DNAH12: variants seen among roughly 807,000 people sequenced by gnomAD.
DNAH12 encodes the protein axonemal beta dynein heavy chain 12.
Under a neutral mutation model 371.5 loss-of-function variants are expected in DNAH12, and 285 were observed. The observed-to-expected ratio is 0.77, with a 90% CI of 0.70 to 0.85. The LOEUF is 0.85. DNAH12 is among the 40% of genes least tolerant of loss of function. The probability of loss-of-function intolerance (pLI) is 0.00; values close to 1 mark genes in which losing one functional copy is unlikely to be tolerated. For synonymous variants in DNAH12, 1,200 were observed against 1,213.0 expected, an observed-to-expected ratio of 0.99 and a Z score of 0.22; for missense variants, 3,611 against 3,689.4, an observed-to-expected ratio of 0.98 and a Z score of 0.55.
chr3:57,302,565 G>GGT (rs2061380121), intron 69 of DNAH12, among the ~76,000 whole-genome samples: 1 of 28,858 alleles, frequency 3.5e-5, no homozygotes, highest in African/African-American at 1.3e-4. Context: ...ATATATATAT[G>GGT]TATTTTTTTT....
intron 13 of DNAH12, among the ~76,000 whole-genome samples, chr3:57,476,161 G>A (rs993318725): frequency 6.6e-6 from 1 of 152,044 alleles, no homozygotes; most frequent in South Asian, 2.1e-4. Flanking sequence ...AATATAAATG[G>A]TATGATTCCC....
rs879293648 is a variant in DNAH12, at chr3:57,302,529, G to GTTTATATATATATATATATA, written c.11190-591_11190-590insTATATATATATATATATAAA. ...TGCTGAATTAACTAAGGCATCAGGT[G>GTTTATATATATATATATATA]TATATATATATATATATATATATAT... On this transcript the variant is annotated intron_variant, in intron 69 of 73. Coordinates refer to ENST00000495027, the MANE Select transcript of DNAH12 (RefSeq NM_001366028.2). Among the ~76,000 whole-genome samples, 108 of 47,844 alleles carry GTTTATATATATATATATATA rather than the reference G, an allele frequency of 2.3e-3. 8 individuals are homozygous for GTTTATATATATATATATATA. The highest frequency in any genetic ancestry group is 0.023 in the Middle Eastern group (1 of 44). 31.4% of individuals were successfully genotyped at this position (47,844 alleles called of 152,430 possible).
In DNAH12 at chr3:57,363,772, T is replaced by C. The variant is rs1019410141; in HGVS notation, c.9182A>G (p.Glu3061Gly). ...VVAKERPELE[E>G]ERNALILQSA... ...CTGAAGAATCAGGGCATTTCGTTCC[T>C]CTTCTAATTCTGGTCTAAAAAGATA... The change falls in exon 58 of 74, where the codon GAG (glutamate) becomes GGG (glycine). Residue 3061 changes from glutamate (E) to glycine (G), a missense_variant. Around this residue, in one of 3 missense-constraint regions of DNAH12, gnomAD observed 2,266 missense variants for 2,236.9 expected, o/e 1.01. Transcript: ENST00000495027. The C allele has an allele frequency of 4.6e-5, 7 of 152,186 alleles. No homozygotes were observed. The highest frequency in any genetic ancestry group is 9.6e-5 in the African/African-American group (4 of 41,460). The allele number at this position is 152,186 out of a possible 1,614,324, so 9.4% of individuals were successfully genotyped here. A position where few individuals can be genotyped will look rare whatever the true frequency, so the allele number is the denominator to read the frequency against.
intron 29 of DNAH12, 27 bp downstream of exon 29, chr3:57,444,670 A>G (rs1027851860): frequency 1.3e-6 from 2 of 1,546,482 alleles, no homozygotes; most frequent in Non-Finnish European, 8.7e-7. Flanking sequence ...ATTATGCCGA[A>G]TAAGTCATTC....
chr3:57,520,702 A>G (rs1244557450), intron 4 of DNAH12, among the ~76,000 whole-genome samples: 1 of 151,862 alleles, frequency 6.6e-6, no homozygotes, highest in Non-Finnish European at 1.5e-5. Flanking sequence ...CGGCTTCCCA[A>G]AGTGCTGGGA....
At position 57,446,102 on chromosome 3, in the gene DNAH12, G is replaced by C; in HGVS notation, c.4108C>G (p.Pro1370Ala). 1 of 1,551,646 alleles carries C rather than the reference G, an allele frequency of 6.4e-7. No homozygotes were observed. The highest frequency in any genetic ancestry group is 8.7e-7 in the Non-Finnish European group (1 of 1,146,992). Residue 1370 changes from proline to alanine, a missense_variant, in exon 27 of 74, where the codon CCG (proline) becomes GCG (alanine). Pro to Ala is a conservative substitution (Grantham distance 27, BLOSUM62 -1). Around this residue, in one of 3 missense-constraint regions of DNAH12, gnomAD observed 2,266 missense variants for 2,236.9 expected, o/e 1.01. Transcript: ENST00000495027. Reference protein sequence around the residue: ...VFEGTELKLNPNCFVAITMNP... With the variant: ...VFEGTELKLNANCFVAITMNP... ...ATGGTAATAGCTACAAAACAATTCG[G>C]ATTGAGCTTAAGTTCTGTCCCTTCA...
chr3:57,400,219 T>C (rs1158071612), intron 43 of DNAH12, among the ~76,000 whole-genome samples: 1 of 152,104 alleles, frequency 6.6e-6, no homozygotes, highest in East Asian at 1.9e-4. Flanking sequence ...TCTCAGGAGG[T>C]GGAGGTTGCA....
intron 55 of DNAH12, among the ~76,000 whole-genome samples, chr3:57,368,715 T>G (rs2153334643): frequency 6.6e-6 from 1 of 152,306 alleles, no homozygotes; most frequent in South Asian, 2.1e-4. Context: ...AATTACAAAC[T>G]GTGTCCAAGT....
intron 43 of DNAH12, among the ~76,000 whole-genome samples, chr3:57,395,193 C>G (rs2063711997): frequency 7.7e-6 from 1 of 130,226 alleles, no homozygotes; most frequent in Non-Finnish European, 1.7e-5. Context: ...TATCTCTTTT[C>G]AGTTCTATTC....
chr3:57,521,439 G>C (rs894184823), intron 4 of DNAH12, among the ~76,000 whole-genome samples: 7 of 151,822 alleles, frequency 4.6e-5, no homozygotes, highest in Non-Finnish European at 2.9e-5. Context: ...GAGGCAGGAG[G>C]ATCACTTGAG....
intron 14 of DNAH12, among the ~76,000 whole-genome samples, chr3:57,472,303 T>A (rs940644836): frequency 1.3e-5 from 2 of 152,218 alleles, no homozygotes; most frequent in African/African-American, 4.8e-5. Context: ...TAAGTGTTTC[T>A]ATTATTAATT....
At chr3:57,372,674 T>C (rs2063200295) in intron 55 of DNAH12, among the ~76,000 whole-genome samples, 1 of 151,704 alleles carries the variant, frequency 6.6e-6, no homozygotes, top group Non-Finnish European at 1.5e-5. Context: ...ATATTATAAA[T>C]ACCAGCACAA....
At chr3:57,324,883 C>T (rs886351772) in intron 62 of DNAH12, among the ~76,000 whole-genome samples, 2 of 152,178 alleles carry the variant, frequency 1.3e-5, no homozygotes, top group Non-Finnish European at 2.9e-5. Context: ...TGCGCTTTTC[C>T]GATGGGCTTA....
chr3:57,546,254 A>C (rs2069567850), upstream of DNAH12, among the ~76,000 whole-genome samples: 1 of 152,192 alleles, frequency 6.6e-6, no homozygotes, highest in African/African-American at 2.4e-5. Context: ...CTCTGCTGGC[A>C]GAGAGCTTTC....
intron 12 of DNAH12, among the ~76,000 whole-genome samples, chr3:57,486,166 A>G (rs749745453): frequency 2.3e-4 from 34 of 149,542 alleles, no homozygotes; most frequent in Non-Finnish European, 4.0e-4. Context: ...CAGAGGTTGC[A>G]GTGAGACTCC....
At chr3:57,456,981 G>T (rs1485643801) in intron 22 of DNAH12, among the ~76,000 whole-genome samples, 1 of 152,092 alleles carries the variant, frequency 6.6e-6, no homozygotes, top group Non-Finnish European at 1.5e-5. Context: ...CATTTGCCTA[G>T]TGACAGACCA....
At chr3:57,309,504 A>C (rs1182788395) in intron 68 of DNAH12, among the ~76,000 whole-genome samples, 162 bp downstream of exon 68, 1 of 152,240 alleles carries the variant, frequency 6.6e-6, no homozygotes, top group Non-Finnish European at 1.5e-5. Context: ...AAACTTAAAA[A>C]AATTGGTAGT....
intron 39 of DNAH12, among the ~76,000 whole-genome samples, chr3:57,411,334 C>G (rs1201422128): frequency 6.6e-6 from 1 of 151,938 alleles, no homozygotes; most frequent in East Asian, 1.9e-4. Context: ...TCAAGACCAG[C>G]CTAGCCAACA....
intron 5 of DNAH12, 80 bp downstream of exon 5, chr3:57,510,710 G>T (rs1355834266): frequency 3.2e-6 from 4 of 1,245,120 alleles, no homozygotes; most frequent in African/African-American, 3.0e-5. Flanking sequence ...TACTCATTTT[G>T]CTTATTTCTA....
Sources: gnomAD v4.1 joint callset for allele counts (sites outside exome capture counted in the v4.1 genomes callset) on GRCh38, gnomAD v4.1.1 for gene constraint, gnomAD v4.1.1 regional missense constraint, MANE v1.5 for transcripts, NCBI Gene and HGNC (gene_info 2026-07-23, HGNC 2026-07-21) for gene names.